Variants in ARHGAP32 observed in about 807,000 individuals in gnomAD.
ARHGAP32 encodes the protein Rho GTPase activating protein 32.
ARHGAP32 carries 51 observed loss-of-function variants against 186.5 expected under a neutral mutation model. That is an observed-to-expected ratio of 0.27 (90% CI 0.22 to 0.35). The LOEUF (loss-of-function observed/expected upper bound fraction) is 0.35, where lower values mean the gene tolerates loss of function less well. Among genes scored for constraint, ARHGAP32 ranks in the 10% least tolerant of loss-of-function variants. The pLI is 1.00. For synonymous variants in ARHGAP32, 950 were observed against 964.3 expected, an observed-to-expected ratio of 0.99 and a Z score of 0.27; for missense variants, 2,186 against 2,623.5, an observed-to-expected ratio of 0.83 and a Z score of 3.64.
At chr11:129,209,130 C>T (rs1322143626) in intron 1 of ARHGAP32, among the ~76,000 whole-genome samples, 1 of 152,036 alleles carries the variant, frequency 6.6e-6, no homozygotes, top group Non-Finnish European at 1.5e-5. Context: ...CAAAACAGTT[C>T]GAGGATACAC....
chr11:129,040,451 C>T (rs902572729), intron 11 of ARHGAP32, among the ~76,000 whole-genome samples: 2 of 152,046 alleles, frequency 1.3e-5, no homozygotes, highest in Non-Finnish European at 2.9e-5. Context: ...TCCCCTTCAA[C>T]AATGCTTTAT....
intron 11 of ARHGAP32, among the ~76,000 whole-genome samples, chr11:129,015,335 G>A (rs1246902285): frequency 6.6e-6 from 1 of 152,174 alleles, no homozygotes; most frequent in African/African-American, 2.4e-5. Context: ...CTGATAGAAA[G>A]TATTAGAGCC....
chr11:129,212,930 A>T (rs1307027726), intron 1 of ARHGAP32, among the ~76,000 whole-genome samples: 1 of 151,966 alleles, frequency 6.6e-6, no homozygotes. Context: ...AAAAAGCTCA[A>T]TTTTCATATA....
At chr11:129,117,160 T>C (rs954212998) in intron 5 of ARHGAP32, among the ~76,000 whole-genome samples, 8 of 152,018 alleles carry the variant, frequency 5.3e-5, no homozygotes, top group Admixed American at 5.2e-4. Flanking sequence ...TCTATTCTTT[T>C]CTAGCAATAC....
intron 5 of ARHGAP32, among the ~76,000 whole-genome samples, chr11:129,100,748 G>A (rs1318692351): frequency 1.3e-5 from 2 of 152,086 alleles, no homozygotes; most frequent in African/African-American, 2.4e-5. Context: ...ATGTGGCACA[G>A]AGAAGGCACC....
At chr11:129,010,147 G>T (rs962221665) in intron 11 of ARHGAP32, among the ~76,000 whole-genome samples, 5 of 152,024 alleles carry the variant, frequency 3.3e-5, no homozygotes, top group Admixed American at 6.6e-5. Flanking sequence ...TAATGGGGTT[G>T]TTTTTTTCTT....
At chr11:129,217,206 T>G (rs1269226728) in intron 1 of ARHGAP32, among the ~76,000 whole-genome samples, 3 of 152,212 alleles carry the variant, frequency 2.0e-5, no homozygotes, top group Non-Finnish European at 2.9e-5. Flanking sequence ...CCTCTTTAAA[T>G]CTTTTCTGCT....
intron 12 of ARHGAP32, 109 bp downstream of exon 12, chr11:128,998,210 T>G (rs1479218733): frequency 2.1e-6 from 2 of 948,324 alleles, no homozygotes; most frequent in Non-Finnish European, 3.0e-6. Context: ...TGCATTGAAC[T>G]GAAATGAAAC....
intron 5 of ARHGAP32, among the ~76,000 whole-genome samples, chr11:129,111,459 A>G (rs1025857986): frequency 2.0e-5 from 3 of 152,202 alleles, no homozygotes; most frequent in Non-Finnish European, 2.9e-5. Flanking sequence ...TCTTTGAAAT[A>G]GTTTGAGGAG....
At chr11:129,022,489 T>C (rs1762393477) in intron 11 of ARHGAP32, among the ~76,000 whole-genome samples, 1 of 152,120 alleles carries the variant, frequency 6.6e-6, no homozygotes, top group Non-Finnish European at 1.5e-5. Context: ...GGGTTATAAT[T>C]CAGTCCCTAA....
At chr11:129,030,176 G>A (rs1278571523) in intron 11 of ARHGAP32, among the ~76,000 whole-genome samples, 8 of 151,960 alleles carry the variant, frequency 5.3e-5, no homozygotes, top group Non-Finnish European at 8.8e-5. Context: ...ATTCATATTC[G>A]GTGCAACACT....
chr11:129,008,336 A>G (rs1420692716), intron 11 of ARHGAP32, among the ~76,000 whole-genome samples: 1 of 152,096 alleles, frequency 6.6e-6, no homozygotes, highest in Non-Finnish European at 1.5e-5. Flanking sequence ...TAGTGAGTGA[A>G]TCCAAACCTT....
intron 11 of ARHGAP32, chr11:129,023,881 A>G: frequency 2.0e-6 from 2 of 984,862 alleles, no homozygotes; most frequent in Non-Finnish European, 2.4e-6. Context: ...TACAAGTTTT[A>G]AGATCAATAC....
At chr11:129,056,963 A>T (rs1940276945) in intron 10 of ARHGAP32, among the ~76,000 whole-genome samples, 1 of 152,092 alleles carries the variant, frequency 6.6e-6, no homozygotes, top group South Asian at 2.1e-4. Flanking sequence ...GCCAACACCA[A>T]GACGAGGCCC....
intron 1 of ARHGAP32, among the ~76,000 whole-genome samples, chr11:129,254,581 CTAACAAAGAT>C (rs1483592867): frequency 1.4e-4 from 22 of 152,114 alleles, no homozygotes; most frequent in Non-Finnish European, 1.8e-4. Flanking sequence ...CAAGTTGGTA[CTAACAAAGAT>C]CATTGCCTTT....
chr11:129,259,864 CTTT>C (rs543614469), intron 1 of ARHGAP32, among the ~76,000 whole-genome samples: 5 of 152,100 alleles, frequency 3.3e-5, no homozygotes, highest in Non-Finnish European at 7.4e-5. Flanking sequence ...TCCAATTAAG[CTTT>C]TTGTTTGTTT....
At chr11:129,118,770 TA>T (rs1246656416) in intron 5 of ARHGAP32, among the ~76,000 whole-genome samples, 1 of 151,926 alleles carries the variant, frequency 6.6e-6, no homozygotes, top group Admixed American at 6.6e-5. Flanking sequence ...GAGAATGGGA[TA>T]GGGGAGCAGA....
intron 11 of ARHGAP32, among the ~76,000 whole-genome samples, chr11:129,013,210 C>A (rs1938171379): frequency 6.6e-6 from 1 of 152,158 alleles, no homozygotes; most frequent in Admixed American, 6.5e-5. Context: ...CTCTGTGCCC[C>A]CATTTGGCAC....
At chr11:128,979,844 T>C (rs1312689034) in intron 18 of ARHGAP32, among the ~76,000 whole-genome samples, 1 of 152,200 alleles carries the variant, frequency 6.6e-6, no homozygotes, top group African/African-American at 2.4e-5. Flanking sequence ...ACATTAGTCT[T>C]CCTACTATAA....
Sources: gnomAD v4.1 joint callset for allele counts (sites outside exome capture counted in the v4.1 genomes callset) on GRCh38, gnomAD v4.1.1 for gene constraint, MANE v1.5 for transcripts, NCBI Gene and HGNC (gene_info 2026-07-23, HGNC 2026-07-21) for gene names.